The following MPI variants were observed in gnomAD, a reference collection of about 807,000 sequenced individuals.
MPI encodes mannose phosphate isomerase, also known as mannose-6-phosphate isomerase.
In MPI, 33 loss-of-function variants were observed where a neutral mutation model predicts 40.1. That is an observed-to-expected ratio of 0.82 (90% CI 0.62 to 1.10). The LOEUF (loss-of-function observed/expected upper bound fraction) is 1.10, where lower values mean the gene tolerates loss of function less well. MPI is among the 50% of genes least tolerant of loss of function. MPI has a pLI of 0.00. For synonymous variants in MPI, 187 were observed against 207.4 expected, an observed-to-expected ratio of 0.90 and a Z score of 0.85; for missense variants, 514 against 524.1, an observed-to-expected ratio of 0.98 and a Z score of 0.19.
chr15:74,890,045 C>A lies in MPI; in HGVS notation c.-29C>A, dbSNP rs1220896065. On this transcript the variant is annotated 5_prime_UTR_variant, in exon 1 of 8. Coordinates refer to ENST00000352410, the MANE Select transcript of MPI (RefSeq NM_002435.3). ...CGCGGGGGCTGCCGGGAAAGGCATA[C>A]GTGCTTAATCCTGGTGCAGGGGGCG... The A allele has an allele frequency of 6.2e-7, 1 of 1,603,956 alleles. No individual in the cohort carries two copies. Among genetic ancestry groups the A allele is most frequent in the Non-Finnish European group, 8.5e-7 (1 of 1,179,238 alleles).
At chr15:74,893,529 C>A in intron 5 of MPI, 2 of 661,528 alleles carry the variant, frequency 3.0e-6, no homozygotes, top group South Asian at 3.3e-5. Context: ...CCCAACTGGT[C>A]ATCTTCTCCA....
chr15:74,896,824 A>G (rs1946445974), intron 6 of MPI, 187 bp from the exon 7 acceptor site: 1 of 679,922 alleles, frequency 1.5e-6, no homozygotes, highest in South Asian at 1.6e-5. Context: ...CTCCCCTCTG[A>G]CAATAATGGG....
rs2064914025 is a variant in MPI at position 74,900,607 on chromosome 15, C to T, written c.*2877C>T. The T allele has an allele frequency of 6.6e-6, 1 of 152,262 alleles. No individual in the cohort carries two copies. The highest frequency in any genetic ancestry group is 2.4e-5 in the African/African-American group (1 of 41,452). 9.4% of individuals were successfully genotyped at this position (152,262 alleles called of 1,614,324 possible). A position where few individuals can be genotyped will look rare whatever the true frequency, so the allele number is the denominator to read the frequency against. ...CACATGTGCACTTCACCTCTGCAGACACAAGAAAGGCCTGGACATGGTCTC... is the reference window on the plus strand; with the variant it reads ...CACATGTGCACTTCACCTCTGCAGATACAAGAAAGGCCTGGACATGGTCTC... On this transcript the variant is annotated 3_prime_UTR_variant, in exon 8 of 8. Coordinates refer to ENST00000352410, the MANE Select transcript of MPI (RefSeq NM_002435.3).
Position 74,897,215 on chromosome 15 carries a change from CGGA to C in MPI, c.1052_1053+1del, listed in dbSNP as rs1713755917. On this transcript the variant is annotated inframe_deletion and splice_region_variant, in exon 7 of 8. Transcript: ENST00000352410. ...GTACCAGACTTCACCATTATGAAGA[CGGA>C]GGTGAGTGAGGGGCTATGATGGGTG... 6.2e-7 allele frequency: 1 copy of C among 1,613,862 alleles called. No individual in the cohort carries two copies. The highest frequency in any genetic ancestry group is 8.5e-7 in the Non-Finnish European group (1 of 1,179,916).
In MPI at chr15:74,901,990, A is replaced by G. The variant is rs988733839; in HGVS notation, c.*4260A>G. ...AGTTGGGGATGCCCCAGGTCCAGGG[A>G]TTCTGGAAGCCAGGATCCTGCTGTA... On this transcript the variant is annotated 3_prime_UTR_variant, in exon 8 of 8. Coordinates refer to ENST00000352410, the MANE Select transcript of MPI (RefSeq NM_002435.3). The G allele has an allele frequency of 1.0e-5, 4 of 397,306 alleles. No homozygotes were observed. The highest frequency in any genetic ancestry group is 2.1e-5 in the African/African-American group (1 of 48,618). The allele number at this position is 397,306 out of a possible 1,614,324, so 24.6% of individuals were successfully genotyped here. A position where few individuals can be genotyped will look rare whatever the true frequency, so the allele number is the denominator to read the frequency against.
chr15:74,891,011 G>A (rs781165138), intron 2 of MPI: 8 of 564,828 alleles, frequency 1.4e-5, no homozygotes, highest in South Asian at 4.6e-5. Flanking sequence ...GAAGGCTTTC[G>A]CCTCTGCTTC....
rs531956974 is a variant in MPI at position 74,901,735 on chromosome 15, G to C, written c.*4005G>C. Reference sequence around the variant, plus strand: ...CAAAAGTTTAAAAAGTAAACAATAGGAAGGCACCGGACTGCTCCCTGTAGC... The same window carrying C: ...CAAAAGTTTAAAAAGTAAACAATAGCAAGGCACCGGACTGCTCCCTGTAGC... On this transcript the variant is annotated 3_prime_UTR_variant, in exon 8 of 8. Coordinates refer to ENST00000352410, the MANE Select transcript of MPI (RefSeq NM_002435.3). 1.1e-5 allele frequency: 2 copies of C among 187,286 alleles called. No individual in the cohort carries two copies. Among genetic ancestry groups the C allele is most frequent in the African/African-American group, 2.3e-5 (1 of 43,118 alleles). 11.6% of individuals were successfully genotyped at this position (187,286 alleles called of 1,614,324 possible).
At chr15:74,890,328 A>G (rs1380621973) in intron 1 of MPI, 199 bp from the exon 2 acceptor site, 2 of 856,902 alleles carry the variant, frequency 2.3e-6, no homozygotes, top group Non-Finnish European at 3.7e-6. Flanking sequence ...GCCTCAGATC[A>G]GCACAAGGTC....
In MPI at chr15:74,896,326, G is replaced by A. The variant is rs1394866894; in HGVS notation, c.844+1G>A. 1 of 1,614,114 alleles carries A rather than the reference G, an allele frequency of 6.2e-7. No homozygotes were observed. Among genetic ancestry groups the A allele is most frequent in the Non-Finnish European group, 8.5e-7 (1 of 1,180,022 alleles). ...GTACCCCATGCCTACCTGAAAGGAGGTGAGCCACATTTCAGCAGTGAGCCC... is the reference window on the plus strand; with the variant it reads ...GTACCCCATGCCTACCTGAAAGGAGATGAGCCACATTTCAGCAGTGAGCCC... On this transcript the variant is annotated splice_donor_variant, in intron 6 of 7. Coordinates refer to ENST00000352410, the MANE Select transcript of MPI (RefSeq NM_002435.3). LOFTEE classifies it high-confidence loss of function.
At position 74,890,103 on chromosome 15, in the gene MPI, TG is replaced by T; in HGVS notation, c.16+18del. ...CCGCTCCGCGAGGTGAGCCATTGGCTGGGGTGTCGGCGAGTGTGTTCGTGGA... is the reference window on the plus strand; with the variant it reads ...CCGCTCCGCGAGGTGAGCCATTGGCTGGGTGTCGGCGAGTGTGTTCGTGGA... On this transcript the variant is annotated intron_variant, in intron 1 of 7. Coordinates refer to ENST00000352410, the MANE Select transcript of MPI (RefSeq NM_002435.3). 6.2e-7 allele frequency: 1 copy of T among 1,608,122 alleles called. No homozygotes were observed.
At position 74,898,876 on chromosome 15, in the gene MPI, C is replaced by A. The variant is rs922016404; in HGVS notation, c.*1146C>A. On this transcript the variant is annotated 3_prime_UTR_variant, in exon 8 of 8. Transcript: ENST00000352410. ...TTCAACTGGCCCTAGAGGAGGGGTC[C>A]GCAAACCAGGCTGGCAGGCCAGTTC... 1 of 152,286 alleles carries A rather than the reference C, an allele frequency of 6.6e-6. No homozygotes were observed. 9.4% of individuals were successfully genotyped at this position (152,286 alleles called of 1,614,324 possible). A position where few individuals can be genotyped will look rare whatever the true frequency, so the allele number is the denominator to read the frequency against.
intron 7 of MPI, 122 bp downstream of exon 7, chr15:74,897,341 A>G: frequency 7.4e-7 from 1 of 1,357,612 alleles, no homozygotes; most frequent in Middle Eastern, 2.0e-4. Context: ...GGGTGGCCCC[A>G]GGGCCTGCCC....
intron 4 of MPI, 155 bp from the exon 5 acceptor site, chr15:74,892,983 G>A (rs1389191507): frequency 2.4e-5 from 31 of 1,311,562 alleles, no homozygotes; most frequent in Non-Finnish European, 3.0e-5. Flanking sequence ...GTAGTCAAGG[G>A]CTGGTGGTGA....
At position 74,898,042 on chromosome 15, in the gene MPI, T is replaced by A. The variant is rs545401402; in HGVS notation, c.*312T>A. On this transcript the variant is annotated 3_prime_UTR_variant, in exon 8 of 8. Coordinates refer to ENST00000352410, the MANE Select transcript of MPI (RefSeq NM_002435.3). ...CTATGGCTTTAGGCTAGCTGTTAAA[T>A]ATGTGACCCAGCATTAGCTCAGCAT... is the stretch of plus-strand genomic sequence containing the variant. 8.4e-4 allele frequency: 365 copies of A among 435,832 alleles called. No homozygotes were observed. Among genetic ancestry groups the A allele is most frequent in the Non-Finnish European group, 1.4e-3 (331 of 231,330 alleles). The allele number at this position is 435,832 out of a possible 1,614,324, so 27.0% of individuals were successfully genotyped here.
In MPI at chr15:74,898,747, G is replaced by C. The variant is rs1393703357; in HGVS notation, c.*1017G>C. ...GTAGAGATGGGGTTTCACTGTGTTA[G>C]CCAGGATGGTCTCGATCTTCTGACC... On this transcript the variant is annotated 3_prime_UTR_variant, in exon 8 of 8. Transcript: ENST00000352410. 1.3e-5 allele frequency: 2 copies of C among 152,148 alleles called. No individual in the cohort carries two copies. Among genetic ancestry groups the C allele is most frequent in the Non-Finnish European group, 2.9e-5 (2 of 68,092 alleles). 9.4% of individuals were successfully genotyped at this position (152,148 alleles called of 1,614,324 possible).
In MPI at chr15:74,897,083, C is replaced by T. The variant is rs1192642291; in HGVS notation, c.917C>T (p.Pro306Leu). 1 of 1,614,122 alleles carries T rather than the reference C, an allele frequency of 6.2e-7. No homozygotes were observed. Among genetic ancestry groups the T allele is most frequent in the East Asian group, 2.2e-5 (1 of 44,890 alleles). Residue 306 changes from proline to leucine, a missense_variant, in exon 7 of 8, where the codon CCA becomes CTA. Transcript: ENST00000352410. ...AGLTPKFIDV[P>L]TLCEMLSYTP... The stretch of plus-strand genomic sequence containing the variant: ...CTGACACCCAAGTTCATTGATGTGC[C>T]AACCCTGTGTGAAATGCTCAGCTAT...
intron 4 of MPI, 65 bp downstream of exon 4, chr15:74,892,867 T>C (rs2064748116): frequency 4.3e-6 from 7 of 1,610,816 alleles, no homozygotes; most frequent in Non-Finnish European, 5.9e-6. Context: ...ACCAAGATGA[T>C]AGGAACAGTG....
At chr15:74,893,095 C>T in intron 4 of MPI, 43 bp from the exon 5 acceptor site, 2 of 1,611,498 alleles carry the variant, frequency 1.2e-6, no homozygotes, top group Non-Finnish European at 1.7e-6. Flanking sequence ...TGGGTTCCAT[C>T]TTACCATTCC....
At chr15:74,890,741 G>C (rs1455616857) in intron 2 of MPI, 87 bp downstream of exon 2, 3 of 1,592,254 alleles carry the variant, frequency 1.9e-6, no homozygotes, top group African/African-American at 1.3e-5. Flanking sequence ...GCTGGGAAGG[G>C]TGAGGCAGCA....
Sources: gnomAD v4.1 joint callset for allele counts on GRCh38, gnomAD v4.1.1 for gene constraint, MANE v1.5 for transcripts, NCBI Gene and HGNC (gene_info 2026-07-23, HGNC 2026-07-21) for gene names.